The following SLMAP variants were observed in gnomAD, a reference collection of about 807,000 sequenced individuals.
The protein encoded by SLMAP is sarcolemmal membrane-associated protein.
Under a neutral mutation model 128.8 loss-of-function variants are expected in SLMAP, and 44 were observed. The ratio of observed to expected loss-of-function variants is 0.34; its 90% confidence interval spans 0.27 to 0.44. The LOEUF is 0.44. Ranked by LOEUF, SLMAP falls within the 20% of genes least tolerant of loss-of-function variation. The pLI, the probability that SLMAP is intolerant of heterozygous loss-of-function variation, is 1.00. For synonymous variants in SLMAP, 327 were observed against 348.8 expected (o/e 0.94, Z 0.70); for missense variants, 787 against 985.3 (o/e 0.80, Z 2.69).
chr3:57,794,299 G>A (rs1016080276), intron 2 of SLMAP, among the ~76,000 whole-genome samples: 2 of 151,886 alleles, frequency 1.3e-5, no homozygotes, highest in Non-Finnish European at 2.9e-5. Flanking sequence ...TGTCTCCATG[G>A]TCTGTAGTTA....
chr3:57,840,255 A>T (rs985601047), intron 3 of SLMAP, among the ~76,000 whole-genome samples: 1 of 152,272 alleles, frequency 6.6e-6, no homozygotes, highest in Non-Finnish European at 1.5e-5. Context: ...TGCCCGGCCA[A>T]CATTAGCTCT....
intron 2 of SLMAP, among the ~76,000 whole-genome samples, chr3:57,758,823 C>T (rs2078072047): frequency 2.0e-5 from 3 of 152,120 alleles, no homozygotes. Context: ...ATCTTTGTGC[C>T]TAAACCTCAG....
chr3:57,819,301 C>T (rs1010086389), intron 2 of SLMAP, among the ~76,000 whole-genome samples: 1 of 152,102 alleles, frequency 6.6e-6, no homozygotes, highest in African/African-American at 2.4e-5. Flanking sequence ...AGTTATATGC[C>T]AACTTGAATG....
At chr3:57,868,153 C>T (rs997265644) in intron 13 of SLMAP, among the ~76,000 whole-genome samples, 2 of 151,950 alleles carry the variant, frequency 1.3e-5, no homozygotes, top group Non-Finnish European at 2.9e-5. Flanking sequence ...CCCAGCTCCT[C>T]AGGAGGCTAG....
At chr3:57,908,084 T>C in intron 18 of SLMAP, 78 bp downstream of exon 18, 2 of 1,359,796 alleles carry the variant, frequency 1.5e-6, no homozygotes, top group Non-Finnish European at 2.0e-6. Flanking sequence ...AAACTTGGAG[T>C]CCGGAGGCAT....
chr3:57,795,714 G>T (rs975622386), intron 2 of SLMAP, among the ~76,000 whole-genome samples: 1 of 152,014 alleles, frequency 6.6e-6, no homozygotes, highest in African/African-American at 2.4e-5. Context: ...AATTTTAAGT[G>T]TACATTTCAG....
At chr3:57,870,387 A>G (rs1161961096) in intron 13 of SLMAP, among the ~76,000 whole-genome samples, 1 of 151,530 alleles carries the variant, frequency 6.6e-6, no homozygotes, top group Non-Finnish European at 1.5e-5. Flanking sequence ...TGCTGTTAGT[A>G]TTTTTTTCTT....
At chr3:57,757,953 A>T in intron 2 of SLMAP, 104 bp downstream of exon 2, 1 of 993,178 alleles carries the variant, frequency 1.0e-6, no homozygotes, top group Non-Finnish European at 1.5e-6. Context: ...GTTTGCATCC[A>T]GAGGAGGCTT....
intron 2 of SLMAP, among the ~76,000 whole-genome samples, chr3:57,829,644 G>A (rs780986708): frequency 2.0e-5 from 3 of 152,058 alleles, no homozygotes; most frequent in Non-Finnish European, 4.4e-5. Flanking sequence ...CTAATTAATC[G>A]TCTGTAATTA....
chr3:57,849,794 T>A lies in SLMAP; in HGVS notation c.497T>A (p.Phe166Tyr). The A allele has an allele frequency of 1.3e-6, 2 of 1,567,716 alleles. No homozygotes were observed. Among genetic ancestry groups the A allele is most frequent in the Non-Finnish European group, 1.8e-6 (2 of 1,137,750 alleles). The change falls in exon 6 of 25, where the codon TTC becomes TAC. Residue 166 changes from phenylalanine (F) to tyrosine (Y), a missense_variant. Phe to Tyr is a conservative substitution (Grantham distance 22). Transcript: ENST00000671191. ...NTPSMYSQEL[F>Y]QLSQYLQEAL... is the part of the protein sequence containing the mutation. Reference sequence around the variant, plus strand: ...CCAAGTATGTACTCTCAGGAACTATTCCAGCTTTCTCAGTATCTACAGGTA... The same window carrying A: ...CCAAGTATGTACTCTCAGGAACTATACCAGCTTTCTCAGTATCTACAGGTA...
At chr3:57,780,926 AGC>A (rs1465508918) in intron 2 of SLMAP, among the ~76,000 whole-genome samples, 1 of 151,994 alleles carries the variant, frequency 6.6e-6, no homozygotes, top group Non-Finnish European at 1.5e-5. Context: ...TACAGGTGTG[AGC>A]CACCTTGCCC....
At chr3:57,834,597 C>T (rs915761179) in intron 3 of SLMAP, among the ~76,000 whole-genome samples, 2 of 151,968 alleles carry the variant, frequency 1.3e-5, no homozygotes, top group Non-Finnish European at 2.9e-5. Context: ...TAAAGATTCA[C>T]CATTGAAAAG....
chr3:57,845,828 ATGAT>A (rs1194594327), intron 4 of SLMAP, among the ~76,000 whole-genome samples: 1 of 151,732 alleles, frequency 6.6e-6, no homozygotes, highest in Non-Finnish European at 1.5e-5. Flanking sequence ...AATTGGTTGT[ATGAT>A]TATCTCCCCC....
At chr3:57,874,360 T>C (rs1436469561) in intron 14 of SLMAP, among the ~76,000 whole-genome samples, 7 of 152,188 alleles carry the variant, frequency 4.6e-5, no homozygotes, top group Non-Finnish European at 8.8e-5. Context: ...GATTTATATT[T>C]TGAACCCTAA....
intron 14 of SLMAP, among the ~76,000 whole-genome samples, chr3:57,880,712 TACAAAA>T (rs1224649161): frequency 6.6e-6 from 1 of 151,342 alleles, no homozygotes; most frequent in Non-Finnish European, 1.5e-5. Context: ...ACCATGTCTC[TACAAAA>T]ATAAAAATAA....
rs368398699 is a variant in SLMAP, at chr3:57,855,325, C to A, written c.520-2408C>A. 2.2e-4 allele frequency among the ~76,000 whole-genome samples: 33 copies of A among 151,752 alleles called. No individual in the cohort carries two copies. In the East Asian group the frequency reaches 4.9e-3, roughly 22 times the overall value. Reference sequence around the variant, plus strand: ...CCCAGGAGGCAGAGGTTGCAGTAAGCCGAGATCACACCACTGCACTCCAGC... The same window carrying A: ...CCCAGGAGGCAGAGGTTGCAGTAAGACGAGATCACACCACTGCACTCCAGC... On this transcript the variant is annotated intron_variant, in intron 6 of 24. Transcript: ENST00000671191.
intron 2 of SLMAP, chr3:57,801,088 T>C (rs1330406640): frequency 1.9e-5 from 3 of 159,932 alleles, no homozygotes; most frequent in African/African-American, 7.2e-5. Context: ...TGTGATGAGA[T>C]GATCTGTGGG....
At chr3:57,906,310 C>CTTTTCTTTTTTTTTTTTTT (rs2096548548) in intron 17 of SLMAP, among the ~76,000 whole-genome samples, 2 of 47,048 alleles carry the variant, frequency 4.3e-5, no homozygotes, top group African/African-American at 1.4e-4. Context: ...CTTTTTTTTT[C>CTTTTCTTTTTTTTTTTTTT]TTTTTTTTTT....
intron 2 of SLMAP, among the ~76,000 whole-genome samples, chr3:57,807,861 G>T (rs1258194828): frequency 6.6e-6 from 1 of 152,146 alleles, no homozygotes; most frequent in Non-Finnish European, 1.5e-5. Flanking sequence ...GCTCCTCTTT[G>T]TTCCTCTGGT....
Sources: allele counts gnomAD v4.1 joint callset (sites outside exome capture counted in the v4.1 genomes callset), GRCh38; gene constraint gnomAD v4.1.1; transcripts MANE v1.5; gene names NCBI Gene and HGNC (gene_info 2026-07-23, HGNC 2026-07-21).